The following MADD variants were observed in gnomAD, a reference collection of about 807,000 sequenced individuals.
MADD encodes the protein MAP kinase-activating death domain protein.
In MADD, 109 loss-of-function variants were observed where a neutral mutation model predicts 176.7. That is an observed-to-expected ratio of 0.62 (90% CI 0.53 to 0.72). The LOEUF (loss-of-function observed/expected upper bound fraction) is 0.72. Among genes scored for constraint, MADD ranks in the 30% least tolerant of loss-of-function variants. The pLI, the probability that MADD is intolerant of heterozygous loss-of-function variation, is 0.00. For synonymous variants in MADD, 771 were observed against 771.3 expected (o/e 1.00, Z 0.01); for missense variants, 1,914 against 2,045.5 (o/e 0.94, Z 1.24).
chr11:47,275,532 C>A (rs976774056), intron 3 of MADD, among the ~76,000 whole-genome samples: 1 of 152,228 alleles, frequency 6.6e-6, no homozygotes, highest in Non-Finnish European at 1.5e-5. Context: ...CTCAGGTGGT[C>A]CACCCACGTT....
chr11:47,281,617 C>G (rs1468702069), exon 8 of MADD: 1 of 1,612,302 alleles, frequency 6.2e-7, no homozygotes, highest in East Asian at 2.2e-5. Flanking sequence ...CATCCTCAAT[C>G]TGGAGAAATT....
intron 22 of MADD, among the ~76,000 whole-genome samples, chr11:47,296,467 A>C (rs2071988117): frequency 6.6e-6 from 1 of 152,242 alleles, no homozygotes; most frequent in South Asian, 2.1e-4. Context: ...TAAATAAAAT[A>C]GCATTTTATT....
intron 1 of MADD, 46 bp downstream of exon 1, chr11:47,270,292 C>G (rs1959115418): frequency 6.6e-6 from 1 of 151,996 alleles, no homozygotes; most frequent in Non-Finnish European, 1.5e-5. Flanking sequence ...CGTCTGGGGA[C>G]TCCGAGCGGG....
chr11:47,274,682 G>A (rs1402726483), exon 3 of MADD: 1 of 1,614,218 alleles, frequency 6.2e-7, no homozygotes, highest in Non-Finnish European at 8.5e-7. Flanking sequence ...CCCGAGGGCT[G>A]CCTGAGCGTG....
At position 47,285,725 on chromosome 11, in the gene MADD, G is replaced by C. The variant is rs2060128576; in HGVS notation, c.2551+135G>C. ...TAGCAAGCCCTAATCCAGTCATTTG[G>C]GTGATACTGAATAAGGCGTTTTCAA... On this transcript the variant is annotated intron_variant, in intron 14 of 32. Transcript: ENST00000402192. 3 of 1,238,104 alleles carry C rather than the reference G, an allele frequency of 2.4e-6. No individual in the cohort carries two copies. In the South Asian group the frequency reaches 4.1e-5, roughly 17 times the overall value. 76.7% of individuals were successfully genotyped at this position (1,238,104 alleles called of 1,614,324 possible).
At chr11:47,320,221 C>T (rs2094194449) in intron 27 of MADD, among the ~76,000 whole-genome samples, 1 of 151,452 alleles carries the variant, frequency 6.6e-6, no homozygotes, top group African/African-American at 2.4e-5. Flanking sequence ...CTTTGGGAGG[C>T]CAAGGTGGGT....
intron 22 of MADD, 46 bp downstream of exon 24, chr11:47,296,101 G>T (rs755939471): frequency 1.9e-6 from 3 of 1,592,912 alleles, no homozygotes; most frequent in East Asian, 4.5e-5. Context: ...TTTAATGGGG[G>T]AGGGAAGCAG....
intron 27 of MADD, among the ~76,000 whole-genome samples, chr11:47,320,399 G>C (rs2094237069): frequency 6.6e-6 from 1 of 151,824 alleles, no homozygotes. Flanking sequence ...AGGTTGCAGT[G>C]AGCCGAGATT....
At chr11:47,326,137 TG>T (rs11341424) in intron 30 of MADD, among the ~76,000 whole-genome samples, 44,419 of 152,030 alleles carry the variant, frequency 0.29, 8,028 homozygotes, top group East Asian at 0.6. Flanking sequence ...ATGTAGAAAA[TG>T]GGGGTAATAC....
At chr11:47,309,969 G>A (rs1008501769) in intron 25 of MADD, among the ~76,000 whole-genome samples, 3 of 151,038 alleles carry the variant, frequency 2.0e-5, no homozygotes, top group African/African-American at 7.3e-5. Flanking sequence ...AGCCTCCCAA[G>A]TAGCTGCGAT....
intron 22 of MADD, among the ~76,000 whole-genome samples, chr11:47,304,835 T>A (rs1343370088): frequency 1.3e-5 from 2 of 152,210 alleles, no homozygotes; most frequent in Non-Finnish European, 2.9e-5. Context: ...TGTCTCTGTG[T>A]TGATACCCCA....
At chr11:47,280,565 AATTT>A (rs918175447) in intron 7 of MADD, among the ~76,000 whole-genome samples, 46 of 152,176 alleles carry the variant, frequency 3.0e-4, no homozygotes, top group South Asian at 1.2e-3. Context: ...TTAATTAATT[AATTT>A]ATTTATTTAT....
intron 13 of MADD, 71 bp from the exon 14 acceptor site, chr11:47,285,380 A>C (rs557121164): frequency 1.2e-6 from 2 of 1,600,086 alleles, no homozygotes; most frequent in African/African-American, 1.3e-5. Context: ...GTAGTATAGC[A>C]TAATTATGGC....
chr11:47,307,053 C>T (rs1175795399), intron 22 of MADD, among the ~76,000 whole-genome samples: 1 of 150,412 alleles, frequency 6.6e-6, no homozygotes, highest in Non-Finnish European at 1.5e-5. Context: ...AGGCATGCAC[C>T]ATCCCTCCTG....
chr11:47,288,510 G>C (rs1192876109), intron 15 of MADD, among the ~76,000 whole-genome samples: 2 of 152,216 alleles, frequency 1.3e-5, no homozygotes, highest in East Asian at 3.8e-4. Flanking sequence ...AAGAGCGATT[G>C]AAACTCTTTC....
exon 4 of MADD, chr11:47,276,010 C>G: frequency 6.2e-7 from 1 of 1,614,196 alleles, no homozygotes; most frequent in Non-Finnish European, 8.5e-7. Context: ...TGCTGCGCTC[C>G]CCAGTACCCG....
chr11:47,290,563 G>A, intron 18 of MADD, 47 bp from the exon 20 acceptor site: 10 of 1,571,566 alleles, frequency 6.4e-6, no homozygotes, highest in Non-Finnish European at 8.7e-6. Flanking sequence ...TCTGCGCCTT[G>A]ATTCCTACTC....
chr11:47,326,916 A>T, intron 31 of MADD, 109 bp downstream of exon 35: 1 of 1,525,360 alleles, frequency 6.6e-7, no homozygotes, highest in Non-Finnish European at 8.8e-7. Flanking sequence ...TCTGTAGAGA[A>T]GTCAGGAGGA....
chr11:47,307,745 T>C (rs2084166987), intron 22 of MADD, among the ~76,000 whole-genome samples: 1 of 152,104 alleles, frequency 6.6e-6, no homozygotes, highest in Admixed American at 6.6e-5. Context: ...CTTGGCTCAC[T>C]GCAACCTCCG....
Sources: gnomAD v4.1 joint callset for allele counts (sites outside exome capture counted in the v4.1 genomes callset) on GRCh38, gnomAD v4.1.1 for gene constraint, MANE v1.5 for transcripts, NCBI Gene and HGNC (gene_info 2026-07-23, HGNC 2026-07-21) for gene names.